The following PCDHGA1 variants were observed in gnomAD, a reference collection of about 807,000 sequenced individuals.
The protein encoded by PCDHGA1 is protocadherin gamma-A1.
In PCDHGA1, 32 loss-of-function variants were observed where a neutral mutation model predicts 58.0. That is an observed-to-expected ratio of 0.55 (90% CI 0.42 to 0.74). The LOEUF (loss-of-function observed/expected upper bound fraction) is 0.74, where lower values mean the gene tolerates loss of function less well. PCDHGA1 is among the 30% of genes least tolerant of loss of function. The pLI, the probability that PCDHGA1 is intolerant of heterozygous loss-of-function variation, is 0.00. For missense variants in PCDHGA1, 1,205 were observed against 1,182.3 expected (o/e 1.02, Z -0.28); for synonymous variants, 498 against 501.1 (o/e 0.99, Z 0.08).
chr5:141,332,892 C>A lies in PCDHGA1; in HGVS notation c.2208C>A (p.Pro736=), dbSNP rs748975283. The A allele has an allele frequency of 6.2e-7, 1 of 1,614,092 alleles. No individual in the cohort carries two copies. The highest frequency in any genetic ancestry group is 8.5e-7 in the Non-Finnish European group (1 of 1,180,040). The change falls in exon 1 of 4, where the codon CCC becomes CCA. Residue 736 remains proline (P), a synonymous_variant. Transcript: ENST00000517417. This position sits in a 1 kb window ranked among gnomAD's most constrained non-coding sequence, Gnocchi z 4.6. Reference sequence around the variant, plus strand: ...CGGGAGGCGGCTTAGCGAGCATGCCCGGTTCGCACTTTGTGGGCGTGGACG... The same window carrying A: ...CGGGAGGCGGCTTAGCGAGCATGCCAGGTTCGCACTTTGTGGGCGTGGACG... ...QASGGGLASM[P]GSHFVGVDGV... is the part of the protein sequence containing the mutation.
intron 1 of PCDHGA1, among the ~76,000 whole-genome samples, chr5:141,354,588 A>G (rs1446342747): frequency 6.6e-6 from 1 of 152,214 alleles, no homozygotes; most frequent in Non-Finnish European, 1.5e-5. Flanking sequence ...TTGGGACTAA[A>G]GCCAGACCTC....
At chr5:141,481,356 T>A (rs1214829594) in intron 1 of PCDHGA1, among the ~76,000 whole-genome samples, 1 of 152,260 alleles carries the variant, frequency 6.6e-6, no homozygotes, top group East Asian at 1.9e-4. Context: ...CATCTACAGC[T>A]GTTCAATAGA....
chr5:141,353,597 C>T (rs570615656), intron 1 of PCDHGA1, among the ~76,000 whole-genome samples: 6 of 152,284 alleles, frequency 3.9e-5, no homozygotes, highest in South Asian at 2.1e-4. Context: ...TCATAATTTT[C>T]TTAACCATTC....
At chr5:141,387,435 A>G (rs988959651) in intron 1 of PCDHGA1, among the ~76,000 whole-genome samples, 1 of 152,240 alleles carries the variant, frequency 6.6e-6, no homozygotes, top group African/African-American at 2.4e-5. Flanking sequence ...ATGTTTATGT[A>G]CTTAATCTAC....
chr5:141,372,063 G>T, intron 1 of PCDHGA1: 2 of 1,613,548 alleles, frequency 1.2e-6, no homozygotes. Context: ...CGACCGCAAC[G>T]ACAATGCACC....
intron 1 of PCDHGA1, among the ~76,000 whole-genome samples, chr5:141,337,257 C>A (rs528945306): frequency 6.6e-6 from 1 of 152,306 alleles, no homozygotes; most frequent in African/African-American, 2.4e-5. Flanking sequence ...TATAATCCAG[C>A]AATTCCACTC....
At chr5:141,443,109 C>A (rs373919534) in intron 1 of PCDHGA1, among the ~76,000 whole-genome samples, 2 of 152,100 alleles carry the variant, frequency 1.3e-5, no homozygotes, top group South Asian at 2.1e-4. Flanking sequence ...CTGAACCTTG[C>A]TTTTCAAACC....
intron 1 of PCDHGA1, among the ~76,000 whole-genome samples, chr5:141,397,282 T>A (rs2150702726): frequency 6.6e-6 from 1 of 152,350 alleles, no homozygotes; most frequent in South Asian, 2.1e-4. Context: ...ATGGGCAGTA[T>A]ACTTGAATGA....
intron 1 of PCDHGA1, chr5:141,374,095 G>C (rs774100259): frequency 6.4e-7 from 1 of 1,556,900 alleles, no homozygotes. Context: ...TGGCGCCTCC[G>C]CAGAGGCATC....
At chr5:141,383,537 C>T in intron 1 of PCDHGA1, 1 of 1,612,570 alleles carries the variant, frequency 6.2e-7, no homozygotes, top group African/African-American at 1.3e-5. Flanking sequence ...CTGGTCCTCA[C>T]AGCCTCTGAT....
chr5:141,423,672 T>A, intron 1 of PCDHGA1: 2 of 1,549,982 alleles, frequency 1.3e-6, no homozygotes, highest in Non-Finnish European at 1.7e-6. Context: ...TGAGATTTAT[T>A]TCTCTGCCTC....
rs200790843 is a variant in PCDHGA1 at position 141,432,196 on chromosome 5, C to A, written c.2422-62611C>A. ...TCGTCTCTGTGACCGCCCACGACCCCGACTGTGAAGAGAACGCCCAGATCA... is the reference window on the plus strand; with the variant it reads ...TCGTCTCTGTGACCGCCCACGACCCAGACTGTGAAGAGAACGCCCAGATCA... On this transcript the variant is annotated intron_variant, in intron 1 of 3. Coordinates refer to ENST00000517417, the MANE Select transcript of PCDHGA1 (RefSeq NM_018912.3). This position sits in a 1 kb window ranked among gnomAD's most constrained non-coding sequence, Gnocchi z 6.0. The A allele has an allele frequency of 6.2e-7, 1 of 1,614,192 alleles. No homozygotes were observed.
At chr5:141,384,558 G>C (rs1305876368) in intron 1 of PCDHGA1, 2 of 1,614,132 alleles carry the variant, frequency 1.2e-6, no homozygotes, top group African/African-American at 1.3e-5. Context: ...TGTTCGTGCT[G>C]GACCAGAATG....
At position 141,393,264 on chromosome 5, in the gene PCDHGA1, C is replaced by G. The variant is rs537186931; in HGVS notation, c.2421+60159C>G. The G allele has an allele frequency of 1.1e-4, 170 of 1,613,916 alleles. 3 individuals carry two copies. The South Asian group carries it at 1.8e-3, about 17-fold the overall frequency. On this transcript the variant is annotated intron_variant, in intron 1 of 3. Coordinates refer to ENST00000517417, the MANE Select transcript of PCDHGA1 (RefSeq NM_018912.3). ...TAACGAAATCGCGGTTCCTGGAGCA[C>G]GTTATCCACTCCCAGAAGCTGTTGA...
Position 141,486,282 on chromosome 5 carries a change from C to G in PCDHGA1, c.2422-8525C>G. On this transcript the variant is annotated intron_variant, in intron 1 of 3. Transcript: ENST00000517417. This position sits in a 1 kb window ranked among gnomAD's most constrained non-coding sequence, Gnocchi z 5.0. ...AGTGCAGAACCTGGCACTGTGGTGG[C>G]ACTTATCAGTGTGCAGGATCCAGAC... The G allele has an allele frequency of 1.2e-6, 2 of 1,614,052 alleles. No homozygotes were observed. The highest frequency in any genetic ancestry group is 1.7e-6 in the Non-Finnish European group (2 of 1,179,992).
chr5:141,474,325 C>A (rs540113771), intron 1 of PCDHGA1, among the ~76,000 whole-genome samples: 1 of 152,256 alleles, frequency 6.6e-6, no homozygotes, highest in Admixed American at 6.5e-5. Context: ...TTTCAAATCA[C>A]CCTGATGTTT....
At chr5:141,364,335 C>A in intron 1 of PCDHGA1, 1 of 1,532,788 alleles carries the variant, frequency 6.5e-7, no homozygotes, top group South Asian at 1.3e-5. Flanking sequence ...AAGGCAATGG[C>A]GAGTCCACCT....
chr5:141,503,304 A>G (rs946582779), intron 2 of PCDHGA1, among the ~76,000 whole-genome samples: 1 of 152,150 alleles, frequency 6.6e-6, no homozygotes, highest in African/African-American at 2.4e-5. Flanking sequence ...ATTGCTCAAG[A>G]AAGAATTGTT....
At position 141,339,381 on chromosome 5, in the gene PCDHGA1, A is replaced by G. The variant is rs777409205; in HGVS notation, c.2421+6276A>G. On this transcript the variant is annotated intron_variant, in intron 1 of 3. Coordinates refer to ENST00000517417, the MANE Select transcript of PCDHGA1 (RefSeq NM_018912.3). ...AATGCCCCTCGCTTTGGAGTAGAGG[A>G]ACTGGAGCTAAAAATCAGTGAAACC... 13 of 1,614,104 alleles carry G rather than the reference A, an allele frequency of 8.1e-6. No individual in the cohort carries two copies. The East Asian group carries it at 2.9e-4, about 36-fold the overall frequency.
Sources: gnomAD v4.1 joint callset for allele counts (sites outside exome capture counted in the v4.1 genomes callset) on GRCh38, gnomAD v4.1.1 for gene constraint, Gnocchi (gnomAD v3.1) non-coding constraint, MANE v1.5 for transcripts, NCBI Gene and HGNC (gene_info 2026-07-23, HGNC 2026-07-21) for gene names.